Variants in GRK7 observed in about 807,000 individuals in gnomAD.
GRK7 encodes G protein-coupled receptor kinase 7.
Under a neutral mutation model 34.1 loss-of-function variants are expected in GRK7, and 24 were observed. The ratio of observed to expected loss-of-function variants is 0.70; its 90% confidence interval spans 0.51 to 0.99. The LOEUF is 0.99. Among genes scored for constraint, GRK7 ranks in the 50% least tolerant of loss-of-function variants. The probability of loss-of-function intolerance (pLI) is 0.00; values close to 1 mark genes in which losing one functional copy is unlikely to be tolerated. For missense variants in GRK7, 644 were observed against 707.3 expected (o/e 0.91, Z 1.02); for synonymous variants, 256 against 279.4 (o/e 0.92, Z 0.84).
intron 4 of GRK7, among the ~76,000 whole-genome samples, chr3:141,784,370 C>T (rs554118869): frequency 6.6e-6 from 1 of 152,202 alleles, no homozygotes; most frequent in African/African-American, 2.4e-5. Flanking sequence ...GGCCACTTGC[C>T]TCATCCAAGA....
In GRK7 at chr3:141,819,328, AT is replaced by A. The variant is rs1361181256; in HGVS notation, c.*2279del. Among the ~76,000 whole-genome samples the A allele has an allele frequency of 1.3e-4, 20 of 152,386 alleles. No individual in the cohort carries two copies. The highest frequency in any genetic ancestry group is 7.8e-4 in the Admixed American group (12 of 15,306). On this transcript the variant is annotated 3_prime_UTR_variant, in exon 6 of 6. Coordinates refer to ENST00000682958, the MANE Select transcript of GRK7 (RefSeq NM_139209.3). ...ACAAAAAATTTGGAGAGATAAAAAAATAAAAATGTCTTGTTGCATTGGTTCC... is the reference window on the plus strand; with the variant it reads ...ACAAAAAATTTGGAGAGATAAAAAAAAAAAATGTCTTGTTGCATTGGTTCC...
rs577597034 is a variant in GRK7, at chr3:141,797,630, T to C, written c.1051-10015T>C. Among the ~76,000 whole-genome samples the C allele has an allele frequency of 2.6e-5, 4 of 152,128 alleles. No individual in the cohort carries two copies. In the South Asian group the frequency reaches 6.2e-4, roughly 24 times the overall value. On this transcript the variant is annotated intron_variant, in intron 4 of 5. Coordinates refer to ENST00000682958, the MANE Select transcript of GRK7 (RefSeq NM_139209.3). ...GATTGTGCTGTCGACTGGATCTGGT[T>C]TGTGATGAGCTGGGGGAAGAGGCAT...
intron 5 of GRK7, among the ~76,000 whole-genome samples, chr3:141,812,630 G>T (rs999455536): frequency 1.3e-5 from 2 of 152,228 alleles, no homozygotes; most frequent in African/African-American, 4.8e-5. Context: ...AAACCTCAGA[G>T]TGACCCATGG....
intron 4 of GRK7, among the ~76,000 whole-genome samples, chr3:141,804,968 A>G (rs574825057): frequency 8.7e-5 from 13 of 149,568 alleles, no homozygotes; most frequent in Non-Finnish European, 1.8e-4. Context: ...CACCACACTC[A>G]CATACACACA....
At chr3:141,812,637 A>G (rs761448095) in intron 5 of GRK7, among the ~76,000 whole-genome samples, 1 of 152,192 alleles carries the variant, frequency 6.6e-6, no homozygotes, top group Non-Finnish European at 1.5e-5. Context: ...AGAGTGACCC[A>G]TGGTTTCCTT....
chr3:141,809,217 A>T (rs1711068406), intron 5 of GRK7, among the ~76,000 whole-genome samples: 1 of 152,088 alleles, frequency 6.6e-6, no homozygotes, highest in Non-Finnish European at 1.5e-5. Flanking sequence ...AATAATAATA[A>T]TAATAGTAAC....
In GRK7 at chr3:141,816,672, T is replaced by A. The variant is rs562919043; in HGVS notation, c.1326-42T>A. On this transcript the variant is annotated intron_variant, in intron 5 of 5. Coordinates refer to ENST00000682958, the MANE Select transcript of GRK7 (RefSeq NM_139209.3). ...TTGTTAGAACATGTCCCATTTTGTT[T>A]TGTTAACTCTGTCTCAGGCTGATCA... 4 of 1,270,822 alleles carry A rather than the reference T, an allele frequency of 3.1e-6. No individual in the cohort carries two copies. In the Admixed American group the frequency reaches 1.0e-4, roughly 32 times the overall value. The allele number at this position is 1,270,822 out of a possible 1,614,324, so 78.7% of individuals were successfully genotyped here.
chr3:141,798,302 C>T (rs1263943697), intron 4 of GRK7, among the ~76,000 whole-genome samples: 1 of 152,198 alleles, frequency 6.6e-6, no homozygotes, highest in Non-Finnish European at 1.5e-5. Flanking sequence ...CACTGCCAGG[C>T]GTGCTAAACC....
intron 1 of GRK7, among the ~76,000 whole-genome samples, chr3:141,770,837 G>C (rs550781746): frequency 6.6e-6 from 1 of 152,002 alleles, no homozygotes; most frequent in Non-Finnish European, 1.5e-5. Context: ...ATGGAAAACA[G>C]TATGGAGACC....
intron 4 of GRK7, among the ~76,000 whole-genome samples, chr3:141,803,265 G>GAAAA (rs3057588): frequency 5.6e-5 from 6 of 106,872 alleles, no homozygotes; most frequent in East Asian, 5.6e-4. Context: ...TGTCTCTACT[G>GAAAA]AAAAAAAAAA....
In GRK7 at chr3:141,764,638, G is replaced by T. The variant is rs777223566; in HGVS notation, c.-1315G>T. 6.6e-6 allele frequency among the ~76,000 whole-genome samples: 1 copy of T among 152,056 alleles called. No homozygotes were observed. Among genetic ancestry groups the T allele is most frequent in the Non-Finnish European group, 1.5e-5 (1 of 68,026 alleles). On this transcript the variant is annotated 5_prime_UTR_variant, in exon 1 of 6. Transcript: ENST00000682958. ...CAGAGTGATCACACCCAGTCCTGTG[G>T]CTCTAAAGGCCATTTATATCTGGGG...
At chr3:141,753,165 T>C in the GRK7 span, among the ~76,000 whole-genome samples, 1 of 152,246 alleles carries the variant, frequency 6.6e-6, no homozygotes, top group Admixed American at 6.5e-5. Flanking sequence ...CTTAACACTG[T>C]CTCAGTAAAA....
upstream of GRK7, among the ~76,000 whole-genome samples, chr3:141,762,660 G>A (rs1345672050): frequency 6.6e-6 from 1 of 151,928 alleles, no homozygotes; most frequent in Middle Eastern, 3.2e-3. Flanking sequence ...GAGCTTCCCG[G>A]CTGCTTTGTT....
the GRK7 span, among the ~76,000 whole-genome samples, chr3:141,755,717 CTT>C: frequency 0.011 from 1,600 of 152,212 alleles, 39 homozygotes; most frequent in African/African-American, 0.035. Context: ...AATTGGAACT[CTT>C]TCATTCATTG....
At chr3:141,804,057 A>C (rs1322370811) in intron 4 of GRK7, among the ~76,000 whole-genome samples, 1 of 152,200 alleles carries the variant, frequency 6.6e-6, no homozygotes, top group Non-Finnish European at 1.5e-5. Context: ...GTATATCATT[A>C]ACATTTTACT....
At chr3:141,807,535 C>T (rs755396606) in intron 4 of GRK7, 110 bp from the exon 5 acceptor site, 7 of 969,288 alleles carry the variant, frequency 7.2e-6, no homozygotes, top group Non-Finnish European at 1.1e-5. Flanking sequence ...GTTCCCTCAA[C>T]AAGGGAAGAA....
At chr3:141,787,305 G>A (rs1206470649) in intron 4 of GRK7, among the ~76,000 whole-genome samples, 6 of 152,158 alleles carry the variant, frequency 3.9e-5, no homozygotes, top group Admixed American at 6.5e-5. Context: ...GGTAGCCAGA[G>A]AAATATTGTA....
chr3:141,817,109 C>G lies in GRK7; in HGVS notation c.*59C>G. 3 of 1,313,664 alleles carry G rather than the reference C, an allele frequency of 2.3e-6. No individual in the cohort carries two copies. Among genetic ancestry groups the G allele is most frequent in the East Asian group, 4.6e-5 (2 of 43,240 alleles). The allele number at this position is 1,313,664 out of a possible 1,614,324, so 81.4% of individuals were successfully genotyped here. Reference sequence around the variant, plus strand: ...TCGGCTGACATAATCCTCGAATGTTCCACACGTGGAAATCTGTGGAATGAG... The same window carrying G: ...TCGGCTGACATAATCCTCGAATGTTGCACACGTGGAAATCTGTGGAATGAG... On this transcript the variant is annotated 3_prime_UTR_variant, in exon 6 of 6. Coordinates refer to ENST00000682958, the MANE Select transcript of GRK7 (RefSeq NM_139209.3).
chr3:141,786,258 A>G (rs2107881788), intron 4 of GRK7, among the ~76,000 whole-genome samples: 1 of 152,318 alleles, frequency 6.6e-6, no homozygotes, highest in Admixed American at 6.5e-5. Flanking sequence ...GATGAGGATT[A>G]GGAAATCAAA....
Sources: allele counts gnomAD v4.1 joint callset (sites outside exome capture counted in the v4.1 genomes callset), GRCh38; gene constraint gnomAD v4.1.1; transcripts MANE v1.5; gene names NCBI Gene and HGNC (gene_info 2026-07-23, HGNC 2026-07-21).